Variants in FLT1 observed in about 807,000 individuals in gnomAD.
FLT1 encodes the protein fms related receptor tyrosine kinase 1.
A neutral mutation model predicts 156.3 loss-of-function variants in FLT1; 49 were observed. That is an observed-to-expected ratio of 0.31 (90% CI 0.25 to 0.40). FLT1 has a LOEUF of 0.40. Among genes scored for constraint, FLT1 ranks in the 10% least tolerant of loss-of-function variants. The probability of loss-of-function intolerance (pLI) is 1.00; values close to 1 mark genes in which losing one functional copy is unlikely to be tolerated. For missense variants in FLT1, 1,322 were observed against 1,637.2 expected (o/e 0.81, Z 3.32); for synonymous variants, 594 against 583.8 (o/e 1.02, Z -0.25).
chr13:28,468,288 C>T (rs1358910744), intron 1 of FLT1, among the ~76,000 whole-genome samples: 4 of 152,278 alleles, frequency 2.6e-5, no homozygotes, highest in East Asian at 3.9e-4. Context: ...ACTGTTCACA[C>T]GCTTACGTGA....
intron 13 of FLT1, 22 bp from the exon 14 acceptor site, chr13:28,385,053 C>T (rs1001834180): frequency 6.2e-7 from 1 of 1,613,410 alleles, no homozygotes; most frequent in Non-Finnish European, 8.5e-7. Context: ...AGAAAGGGAG[C>T]TGTGATTACT....
chr13:28,355,924 A>G (rs1177561563), intron 15 of FLT1, among the ~76,000 whole-genome samples: 2 of 152,250 alleles, frequency 1.3e-5, no homozygotes, highest in Non-Finnish European at 2.9e-5. Context: ...AGAAACCCAC[A>G]TCAACCTGGC....
At chr13:28,378,763 G>A (rs772332963) in intron 14 of FLT1, among the ~76,000 whole-genome samples, 6 of 152,124 alleles carry the variant, frequency 3.9e-5, no homozygotes, top group African/African-American at 1.2e-4. Flanking sequence ...ACAGATCTGT[G>A]GAATGTATCT....
At chr13:28,389,163 T>C (rs1874550140) in intron 13 of FLT1, 5 of 1,069,430 alleles carry the variant, frequency 4.7e-6, no homozygotes, top group Non-Finnish European at 5.7e-6. Flanking sequence ...AAAAAAAGCA[T>C]TTTCAAATAA....
intron 14 of FLT1, among the ~76,000 whole-genome samples, chr13:28,380,319 A>G (rs896984728): frequency 1.3e-5 from 2 of 152,186 alleles, no homozygotes; most frequent in South Asian, 2.1e-4. Context: ...TTTTGAAGAT[A>G]CTCATATATA....
chr13:28,309,046 T>C (rs1392410506), intron 27 of FLT1, 119 bp from the exon 28 acceptor site: 10 of 686,432 alleles, frequency 1.5e-5, no homozygotes, highest in Non-Finnish European at 1.9e-5. Context: ...AGGAATCACC[T>C]AACTCCTGAG....
At chr13:28,415,696 A>C (rs1161719665) in intron 10 of FLT1, among the ~76,000 whole-genome samples, 4 of 152,174 alleles carry the variant, frequency 2.6e-5, no homozygotes, top group Non-Finnish European at 5.9e-5. Context: ...AAAATGACAA[A>C]AGCCCATATA....
intron 1 of FLT1, 81 bp downstream of exon 1, chr13:28,494,699 C>G: frequency 8.7e-7 from 1 of 1,150,548 alleles, no homozygotes; most frequent in Non-Finnish European, 1.2e-6. Flanking sequence ...CCGCGTGCAC[C>G]CCGCCCTGGC....
intron 18 of FLT1, among the ~76,000 whole-genome samples, chr13:28,330,588 CTATA>C (rs3029492): frequency 3.4e-4 from 48 of 142,256 alleles, no homozygotes; most frequent in South Asian, 4.4e-4. Flanking sequence ...ATCAGAGGTC[CTATA>C]TATATATATA....
chr13:28,350,632 A>G (rs1031774732), intron 15 of FLT1, among the ~76,000 whole-genome samples: 1 of 152,068 alleles, frequency 6.6e-6, no homozygotes, highest in Admixed American at 6.5e-5. Context: ...CAGCTCATGC[A>G]ATATAACCAG....
At chr13:28,310,579 C>T (rs975996286) in intron 27 of FLT1, among the ~76,000 whole-genome samples, 3 of 152,214 alleles carry the variant, frequency 2.0e-5, no homozygotes, top group Non-Finnish European at 4.4e-5. Context: ...GCCCAGGTTT[C>T]GTGCACGCCT....
chr13:28,453,857 T>C (rs1879118312), intron 3 of FLT1, among the ~76,000 whole-genome samples: 2 of 152,188 alleles, frequency 1.3e-5, no homozygotes, highest in South Asian at 2.1e-4. Context: ...GGGGCTATCA[T>C]GGTAAGCAGG....
At chr13:28,472,124 T>C (rs1880211562) in intron 1 of FLT1, among the ~76,000 whole-genome samples, 1 of 152,234 alleles carries the variant, frequency 6.6e-6, no homozygotes, top group African/African-American at 2.4e-5. Flanking sequence ...TATGACTCTT[T>C]GACACAAATC....
chr13:28,381,139 C>G (rs1206311125), intron 14 of FLT1, among the ~76,000 whole-genome samples: 1 of 152,120 alleles, frequency 6.6e-6, no homozygotes, highest in Non-Finnish European at 1.5e-5. Flanking sequence ...ATTCTTTAAC[C>G]CACTTCCAAA....
chr13:28,315,199 T>C (rs1450476988), intron 25 of FLT1, among the ~76,000 whole-genome samples: 1 of 152,220 alleles, frequency 6.6e-6, no homozygotes, highest in Non-Finnish European at 1.5e-5. Flanking sequence ...ATGCTTAAAA[T>C]AGTGGCACTT....
intron 3 of FLT1, among the ~76,000 whole-genome samples, chr13:28,463,008 C>A (rs1269282243): frequency 6.6e-6 from 1 of 152,146 alleles, no homozygotes; most frequent in Non-Finnish European, 1.5e-5. Context: ...GAAGTGAATT[C>A]TTGGTCCTTT....
At chr13:28,450,528 GAAAGGAGGGAGA>G (rs1328514425) in intron 3 of FLT1, among the ~76,000 whole-genome samples, 2 of 151,714 alleles carry the variant, frequency 1.3e-5, no homozygotes, top group African/African-American at 4.8e-5. Flanking sequence ...AAGGAGGGAG[GAAAGGAGGGAGA>G]GAGGGAGAAA....
chr13:28,310,502 A>T (rs1175686100), intron 27 of FLT1, among the ~76,000 whole-genome samples: 1 of 152,170 alleles, frequency 6.6e-6, no homozygotes, highest in East Asian at 1.9e-4. Flanking sequence ...GCGTAAGAGG[A>T]GTTGATACAT....
intron 1 of FLT1, among the ~76,000 whole-genome samples, chr13:28,489,062 G>A (rs1327403190): frequency 2.6e-5 from 4 of 152,198 alleles, no homozygotes; most frequent in Non-Finnish European, 4.4e-5. Flanking sequence ...TGGCTCACAG[G>A]CCCCAGCGAA....
Sources: gnomAD v4.1 joint callset for allele counts (sites outside exome capture counted in the v4.1 genomes callset) on GRCh38, gnomAD v4.1.1 for gene constraint, MANE v1.5 for transcripts, NCBI Gene and HGNC (gene_info 2026-07-23, HGNC 2026-07-21) for gene names.